MLLT10: variants seen among roughly 807,000 people sequenced by gnomAD.
MLLT10 encodes MLLT10 histone lysine methyltransferase DOT1L cofactor, also known as protein AF-10.
Under a neutral mutation model 129.1 loss-of-function variants are expected in MLLT10, and 30 were observed. The ratio of observed to expected loss-of-function variants is 0.23; its 90% CI spans 0.17 to 0.32. The LOEUF is 0.32. Ranked by LOEUF, MLLT10 falls within the 10% of genes least tolerant of loss-of-function variation. The pLI, the probability that MLLT10 is intolerant of heterozygous loss-of-function variation, is 1.00. For missense variants in MLLT10, 1,119 were observed against 1,268.3 expected, an observed-to-expected ratio of 0.88 and a Z score of 1.79; for synonymous variants, 490 against 446.4, an observed-to-expected ratio of 1.10 and a Z score of -1.23.
At chr10:21,739,608 ACG>A in intron 21 of MLLT10, among the ~76,000 whole-genome samples, 1 of 152,206 alleles carries the variant, frequency 6.6e-6, no homozygotes, top group South Asian at 2.1e-4. Context: ...CTATAAATAT[ACG>A]CTGCATGGAG....
At chr10:21,710,451 A>G (rs1030846097) in intron 13 of MLLT10, among the ~76,000 whole-genome samples, 2 of 152,232 alleles carry the variant, frequency 1.3e-5, no homozygotes, top group African/African-American at 4.8e-5. Context: ...AGAGTTCTTA[A>G]TGGGAAATTT....
intron 2 of MLLT10, among the ~76,000 whole-genome samples, chr10:21,535,781 A>G (rs1004710494): frequency 2.6e-5 from 4 of 152,146 alleles, no homozygotes; most frequent in African/African-American, 7.2e-5. Context: ...GGAAAGGACT[A>G]CCACCAAAAG....
rs575868132 is a variant in MLLT10 at position 21,558,185 on chromosome 10, C to T, written c.240+19273C>T. Among the ~76,000 whole-genome samples, 17 of 151,788 alleles carry T rather than the reference C, an allele frequency of 1.1e-4. No homozygotes were observed. In the East Asian group the frequency reaches 1.6e-3, roughly 14 times the overall value. On this transcript the variant is annotated intron_variant, in intron 3 of 22. Coordinates refer to ENST00000307729, the MANE Select transcript of MLLT10 (RefSeq NM_001195626.3). ...AGGCTCGTCTCGAACTACTGACCTC[C>T]GGTGATCCACCCACCTCGACCTCCC... is the stretch of plus-strand genomic sequence containing the variant.
At chr10:21,623,080 C>T (rs1261426512) in intron 8 of MLLT10, among the ~76,000 whole-genome samples, 1 of 152,214 alleles carries the variant, frequency 6.6e-6, no homozygotes, top group Non-Finnish European at 1.5e-5. Flanking sequence ...CTTCCATGCC[C>T]TCTCCAGGTG....
chr10:21,586,495 TTATTG>T (rs2041999129), intron 4 of MLLT10, 147 bp downstream of exon 4: 1 of 736,226 alleles, frequency 1.4e-6, no homozygotes, highest in African/African-American at 1.8e-5. Flanking sequence ...TTATAAATCC[TTATTG>T]TATTGACCCA....
chr10:21,549,114 G>A (rs1260907272), intron 3 of MLLT10, among the ~76,000 whole-genome samples: 1 of 145,734 alleles, frequency 6.9e-6, no homozygotes, highest in East Asian at 2.0e-4. Flanking sequence ...CAAGTCAGGA[G>A]CTTATTCCTT....
intron 16 of MLLT10, among the ~76,000 whole-genome samples, chr10:21,729,806 T>TTA (rs2057806058): frequency 6.6e-6 from 1 of 152,218 alleles, no homozygotes; most frequent in African/African-American, 2.4e-5. Flanking sequence ...ATGTATTATG[T>TTA]TAGAATGATA....
intron 4 of MLLT10, among the ~76,000 whole-genome samples, chr10:21,594,305 T>C (rs1002434932): frequency 2.0e-5 from 3 of 151,794 alleles, no homozygotes; most frequent in African/African-American, 7.3e-5. Context: ...ATCCCATCAC[T>C]TGGGGAGGCT....
intron 14 of MLLT10, among the ~76,000 whole-genome samples, chr10:21,718,988 C>G (rs2056948944): frequency 6.6e-6 from 1 of 152,232 alleles, no homozygotes; most frequent in Non-Finnish European, 1.5e-5. Flanking sequence ...TCCCAAAGTG[C>G]TGGGATTGCA....
rs1340580019 is a variant in MLLT10, at chr10:21,547,641, C to T, written c.240+8729C>T. 2.6e-5 allele frequency among the ~76,000 whole-genome samples: 4 copies of T among 151,696 alleles called. No homozygotes were observed. The South Asian group carries it at 6.2e-4, about 24-fold the overall frequency. ...GTTCAAGTGATTCTCATGGGTTCAGCGATTCTCATGCCTCAGCCTCTTGAG... is the reference window on the plus strand; with the variant it reads ...GTTCAAGTGATTCTCATGGGTTCAGTGATTCTCATGCCTCAGCCTCTTGAG... On this transcript the variant is annotated intron_variant, in intron 3 of 22. Coordinates refer to ENST00000307729, the MANE Select transcript of MLLT10 (RefSeq NM_001195626.3).
chr10:21,669,702 T>C (rs1183504658), intron 9 of MLLT10, among the ~76,000 whole-genome samples: 1 of 152,182 alleles, frequency 6.6e-6, no homozygotes, highest in African/African-American at 2.4e-5. Flanking sequence ...TACACTTTCA[T>C]GTAGTCATTT....
chr10:21,607,900 C>T (rs183833692), intron 5 of MLLT10, among the ~76,000 whole-genome samples: 37 of 151,680 alleles, frequency 2.4e-4, no homozygotes, highest in Admixed American at 1.5e-3. Flanking sequence ...TCTTTTTTGT[C>T]ACATCTGGAG....
intron 5 of MLLT10, among the ~76,000 whole-genome samples, chr10:21,604,334 C>T (rs1589187006): frequency 6.6e-6 from 1 of 152,168 alleles, no homozygotes; most frequent in Admixed American, 6.5e-5. Flanking sequence ...TCTGGTGGCT[C>T]AGGCCTGTAA....
chr10:21,742,762 G>A lies in MLLT10; in HGVS notation c.*779G>A, dbSNP rs1332883852. 4.4e-6 allele frequency: 1 copy of A among 227,496 alleles called. No individual in the cohort carries two copies. The highest frequency in any genetic ancestry group is 2.2e-5 in the African/African-American group (1 of 45,032). The allele number at this position is 227,496 out of a possible 1,614,324, so 14.1% of individuals were successfully genotyped here. A position where few individuals can be genotyped will look rare whatever the true frequency, so the allele number is the denominator to read the frequency against. Reference sequence around the variant, plus strand: ...AGGGGCCACTGTGGAAAGTGCTGGTGGGGTTTGCCCTTGATCAAGTGCCTC... The same window carrying A: ...AGGGGCCACTGTGGAAAGTGCTGGTAGGGTTTGCCCTTGATCAAGTGCCTC... On this transcript the variant is annotated 3_prime_UTR_variant, in exon 23 of 23. Coordinates refer to ENST00000307729, the MANE Select transcript of MLLT10 (RefSeq NM_001195626.3).
intron 3 of MLLT10, among the ~76,000 whole-genome samples, chr10:21,578,662 A>G (rs1403895487): frequency 1.3e-5 from 2 of 152,156 alleles, no homozygotes; most frequent in South Asian, 2.1e-4. Context: ...TTTCAACTTA[A>G]TTCTTTTGCA....
At chr10:21,605,557 C>T (rs536641226) in intron 5 of MLLT10, among the ~76,000 whole-genome samples, 3 of 152,118 alleles carry the variant, frequency 2.0e-5, no homozygotes, top group Admixed American at 6.6e-5. Context: ...TGATCCTCCC[C>T]GCTCAGCCTC....
At position 21,608,174 on chromosome 10, in the gene MLLT10, C is replaced by CTT. The variant is rs780185081; in HGVS notation, c.406-4163_406-4162dup. Among the ~76,000 whole-genome samples, 7 of 139,908 alleles carry CTT rather than the reference C, an allele frequency of 5.0e-5. No individual in the cohort carries two copies. The East Asian group carries it at 6.2e-4, about 12-fold the overall frequency. 91.8% of individuals were successfully genotyped at this position (139,908 alleles called of 152,430 possible). A position where few individuals can be genotyped will look rare whatever the true frequency, so the allele number is the denominator to read the frequency against. ...TTAAGTGTTTTCTCTTTATTTTTGG[C>CTT]TTTTTTTTTTTTGAGACAGGGTCTT... On this transcript the variant is annotated intron_variant, in intron 5 of 22. Transcript: ENST00000307729.
At chr10:21,624,549 AGTC>A (rs1564529406) in intron 8 of MLLT10, 1 of 1,160,344 alleles carries the variant, frequency 8.6e-7, no homozygotes, top group Non-Finnish European at 1.2e-6. Flanking sequence ...ATCTAGAGCC[AGTC>A]GTATCTTGCC....
chr10:21,694,104 T>G (rs2054138895), intron 13 of MLLT10, among the ~76,000 whole-genome samples: 1 of 152,216 alleles, frequency 6.6e-6, no homozygotes, highest in Non-Finnish European at 1.5e-5. Flanking sequence ...GAGAACTTTG[T>G]TTTTCTGAGC....
Sources: gnomAD v4.1 joint callset for allele counts (sites outside exome capture counted in the v4.1 genomes callset) on GRCh38, gnomAD v4.1.1 for gene constraint, MANE v1.5 for transcripts, NCBI Gene and HGNC (gene_info 2026-07-23, HGNC 2026-07-21) for gene names.